Variants in PDZRN3 observed in about 807,000 individuals in gnomAD.
PDZRN3 encodes the protein PDZ domain containing ring finger 3.
In PDZRN3, 38 loss-of-function variants were observed where a neutral mutation model predicts 85.7. That is an observed-to-expected ratio of 0.44 (90% CI 0.34 to 0.58). The LOEUF is 0.58. Among genes scored for constraint, PDZRN3 ranks in the 20% least tolerant of loss-of-function variants. PDZRN3 has a pLI of 0.01. For missense variants in PDZRN3, 1,629 were observed against 1,506.4 expected, an observed-to-expected ratio of 1.08 and a Z score of -1.35; for synonymous variants, 759 against 638.0, an observed-to-expected ratio of 1.19 and a Z score of -2.86.
chr3:73,402,941 C>CT (rs140037400), intron 4 of PDZRN3, among the ~76,000 whole-genome samples: 336 of 115,616 alleles, frequency 2.9e-3, no homozygotes, highest in South Asian at 6.3e-3. Context: ...ACATGAAAAG[C>CT]TTTTTTTTTT....
intron 3 of PDZRN3, among the ~76,000 whole-genome samples, chr3:73,451,797 A>G (rs1291142639): frequency 6.6e-6 from 1 of 152,126 alleles, no homozygotes; most frequent in Non-Finnish European, 1.5e-5. Context: ...CTATCATATG[A>G]TAGGTCATCA....
intron 3 of PDZRN3, among the ~76,000 whole-genome samples, chr3:73,499,334 C>A (rs1245064080): frequency 6.6e-6 from 1 of 152,132 alleles, no homozygotes; most frequent in Non-Finnish European, 1.5e-5. Flanking sequence ...ACCTACGAGG[C>A]CCAGGCTGGC....
intron 3 of PDZRN3, among the ~76,000 whole-genome samples, chr3:73,500,169 C>T (rs370053475): frequency 1.3e-5 from 2 of 152,146 alleles, no homozygotes; most frequent in Admixed American, 1.3e-4. Flanking sequence ...GATCCTCCGC[C>T]TCCCAAGTAG....
intron 3 of PDZRN3, among the ~76,000 whole-genome samples, chr3:73,544,700 T>A (rs79655310): frequency 1.4e-4 from 22 of 152,060 alleles, no homozygotes; most frequent in East Asian, 1.9e-4. Flanking sequence ...TTTTTTTTTT[T>A]AAATTACTGA....
intron 3 of PDZRN3, among the ~76,000 whole-genome samples, chr3:73,410,177 G>A (rs1277149189): frequency 6.6e-6 from 1 of 152,106 alleles, no homozygotes; most frequent in East Asian, 1.9e-4. Flanking sequence ...CCCTGATTTA[G>A]GTTGGATAAA....
intron 3 of PDZRN3, among the ~76,000 whole-genome samples, chr3:73,456,824 C>A (rs573757304): frequency 1.4e-4 from 21 of 152,042 alleles, no homozygotes; most frequent in East Asian, 5.8e-4. Flanking sequence ...TACTGCCCAG[C>A]GTGGTATAAA....
At chr3:73,601,862 G>C (rs1702520069) in intron 3 of PDZRN3, among the ~76,000 whole-genome samples, 1 of 150,454 alleles carries the variant, frequency 6.6e-6, no homozygotes, top group African/African-American at 2.4e-5. Context: ...GGGCAATCAG[G>C]TTGTACAACT....
intron 8 of PDZRN3, 135 bp from the exon 9 acceptor site, chr3:73,385,920 C>T: frequency 1.6e-6 from 1 of 622,430 alleles, no homozygotes; most frequent in Non-Finnish European, 2.9e-6. Context: ...GCAGTCTGCC[C>T]AATGATTTGC....
chr3:73,418,955 G>A (rs1186500711), intron 3 of PDZRN3, among the ~76,000 whole-genome samples: 2 of 152,114 alleles, frequency 1.3e-5, no homozygotes, highest in South Asian at 2.1e-4. Context: ...CTTTGTTGTC[G>A]AATTGTTAGA....
intron 3 of PDZRN3, among the ~76,000 whole-genome samples, chr3:73,463,521 C>T (rs1703149264): frequency 6.6e-6 from 1 of 152,066 alleles, no homozygotes; most frequent in African/African-American, 2.4e-5. Context: ...TAAAAAGTCA[C>T]AAAATAACAG....
intron 3 of PDZRN3, among the ~76,000 whole-genome samples, chr3:73,481,260 G>A (rs1419376656): frequency 6.6e-6 from 1 of 152,238 alleles, no homozygotes; most frequent in East Asian, 1.9e-4. Flanking sequence ...TCACTTCAGA[G>A]ACTAAACTTT....
chr3:73,540,170 AAAAATTCTCAT>A (rs1704885216), intron 3 of PDZRN3, among the ~76,000 whole-genome samples: 1 of 151,854 alleles, frequency 6.6e-6, no homozygotes, highest in Non-Finnish European at 1.5e-5. Context: ...AAAATTTTAA[AAAAATTCTCAT>A]AAAATAGGAA....
chr3:73,524,783 A>G (rs907481787), intron 3 of PDZRN3, among the ~76,000 whole-genome samples: 5 of 152,126 alleles, frequency 3.3e-5, no homozygotes, highest in Non-Finnish European at 7.3e-5. Context: ...ATGCAAATTA[A>G]AAGTGAACAT....
Position 73,621,110 on chromosome 3 carries a change from T to C in PDZRN3, c.723+2993A>G, listed in dbSNP as rs1013830746. Among the ~76,000 whole-genome samples the C allele has an allele frequency of 3.9e-5, 6 of 152,202 alleles. No homozygotes were observed. The East Asian group carries it at 5.8e-4, about 15-fold the overall frequency. On this transcript the variant is annotated intron_variant, in intron 1 of 9. Coordinates refer to ENST00000263666, the MANE Select transcript of PDZRN3 (RefSeq NM_015009.3). ...GCCAGCCCTAATGGATCAGAATCTC[T>C]AGGGGTGAGACTGAGGAATCTGTGT...
At chr3:73,601,242 C>G (rs1245100166) in intron 3 of PDZRN3, among the ~76,000 whole-genome samples, 2 of 152,204 alleles carry the variant, frequency 1.3e-5, no homozygotes, top group African/African-American at 2.4e-5. Flanking sequence ...CCAGGAGAAG[C>G]CTGTGGCCAC....
At chr3:73,623,315 C>T (rs1206717019) in intron 1 of PDZRN3, among the ~76,000 whole-genome samples, 2 of 152,204 alleles carry the variant, frequency 1.3e-5, no homozygotes, top group Non-Finnish European at 2.9e-5. Context: ...GCAAAAAGCC[C>T]AGATTTGAAA....
intron 5 of PDZRN3, among the ~76,000 whole-genome samples, chr3:73,397,676 G>C (rs1257941196): frequency 6.6e-6 from 1 of 152,198 alleles, no homozygotes; most frequent in African/African-American, 2.4e-5. Flanking sequence ...GGCCTTAGCT[G>C]ATATGTTCCT....
chr3:73,528,916 ACG>A (rs202229794), intron 3 of PDZRN3, among the ~76,000 whole-genome samples: 2 of 151,212 alleles, frequency 1.3e-5, no homozygotes, highest in Admixed American at 6.6e-5. Flanking sequence ...ACACACACAC[ACG>A]CACATGCACA....
chr3:73,391,149 C>T, intron 5 of PDZRN3, 33 bp from the exon 6 acceptor site: 1 of 1,335,652 alleles, frequency 7.5e-7, no homozygotes, highest in Non-Finnish European at 1.1e-6. Context: ...AGTGAGACTC[C>T]AGCAGGCAAT....
Sources: allele counts gnomAD v4.1 joint callset (sites outside exome capture counted in the v4.1 genomes callset), GRCh38; gene constraint gnomAD v4.1.1; transcripts MANE v1.5; gene names NCBI Gene and HGNC (gene_info 2026-07-23, HGNC 2026-07-21).